ZNF91: variants seen among roughly 807,000 people sequenced by gnomAD.
ZNF91 encodes the protein zinc finger protein 91.
In ZNF91, 7 loss-of-function variants were observed where a neutral mutation model predicts 12.6. The ratio of observed to expected loss-of-function variants is 0.55; its 90% CI spans 0.31 to 1.04. The LOEUF (loss-of-function observed/expected upper bound fraction) is 1.04, where lower values mean the gene tolerates loss of function less well. ZNF91 is among the 50% of genes least tolerant of loss of function. The pLI is 0.05. For synonymous variants in ZNF91, 453 were observed against 462.6 expected (o/e 0.98, Z 0.27); for missense variants, 1,217 against 1,385.4 (o/e 0.88, Z 1.93).
At chr19:23,368,562 C>CTCTCTCTATATA (rs768532900) in intron 3 of ZNF91, among the ~76,000 whole-genome samples, 4 of 118,628 alleles carry the variant, frequency 3.4e-5, no homozygotes, top group African/African-American at 9.9e-5. Flanking sequence ...CTCTCTCTCT[C>CTCTCTCTATATA]TATATATATA....
In ZNF91 at chr19:23,351,601, G is replaced by C. The variant is rs528600608; in HGVS notation, c.254-12547C>G. On this transcript the variant is annotated intron_variant, in intron 3 of 3. Transcript: ENST00000599743. Reference sequence around the variant, plus strand: ...AATACATGACATTGTAGAAGAAAATGTGAACAGTTTTGACCTGGGACACAC... The same window carrying C: ...AATACATGACATTGTAGAAGAAAATCTGAACAGTTTTGACCTGGGACACAC... Among the ~76,000 whole-genome samples the C allele has an allele frequency of 9.2e-5, 14 of 152,312 alleles. No homozygotes were observed. In the East Asian group the frequency reaches 2.7e-3, roughly 29 times the overall value.
At chr19:23,373,018 C>A (rs1969346758) in intron 3 of ZNF91, among the ~76,000 whole-genome samples, 1 of 152,158 alleles carries the variant, frequency 6.6e-6, no homozygotes, top group African/African-American at 2.4e-5. Flanking sequence ...TTTAACAACA[C>A]AACTAAAGGT....
At chr19:23,348,413 C>T (rs1283833954) in intron 3 of ZNF91, among the ~76,000 whole-genome samples, 1 of 152,212 alleles carries the variant, frequency 6.6e-6, no homozygotes. Flanking sequence ...CCTGTCTTTA[C>T]TGCAATCTCT....
intron 1 of ZNF91, chr19:23,325,622 A>C (rs1234006594): frequency 1.3e-5 from 2 of 152,160 alleles, no homozygotes; most frequent in Non-Finnish European, 2.9e-5. Context: ...TACACAACCT[A>C]CTAGGCCAGG....
chr19:23,366,288 G>C (rs144297540), intron 3 of ZNF91, among the ~76,000 whole-genome samples: 2 of 152,124 alleles, frequency 1.3e-5, no homozygotes, highest in African/African-American at 2.4e-5. Flanking sequence ...CTGGCCTGGC[G>C]GGGGGCTGAC....
At chr19:23,367,514 T>C (rs1969062928) in intron 3 of ZNF91, among the ~76,000 whole-genome samples, 1 of 152,126 alleles carries the variant, frequency 6.6e-6, no homozygotes. Context: ...TTCAATAGAA[T>C]CTTTATAAAA....
chr19:23,374,224 G>A (rs1329358014), intron 2 of ZNF91, among the ~76,000 whole-genome samples: 1 of 151,868 alleles, frequency 6.6e-6, no homozygotes, highest in Non-Finnish European at 1.5e-5. Flanking sequence ...GGATTTTCTT[G>A]AAAACAGAAA....
chr19:23,327,967 C>T (rs1320887290), intron 1 of ZNF91: 1 of 152,158 alleles, frequency 6.6e-6, no homozygotes, highest in African/African-American at 2.4e-5. Context: ...GGTTTCACAA[C>T]TTAATTTTCC....
chr19:23,350,465 T>C (rs868812285), intron 3 of ZNF91, among the ~76,000 whole-genome samples: 14 of 152,306 alleles, frequency 9.2e-5, no homozygotes, highest in Admixed American at 1.3e-4. Context: ...CCTGCTACAA[T>C]GACACGATGG....
At chr19:23,369,368 G>A (rs1312528945) in intron 3 of ZNF91, among the ~76,000 whole-genome samples, 5 of 150,388 alleles carry the variant, frequency 3.3e-5, no homozygotes, top group African/African-American at 9.8e-5. Context: ...CCGGCCAGCC[G>A]CCCCGTCCGG....
intron 1 of ZNF91, among the ~76,000 whole-genome samples, chr19:23,377,240 T>A (rs1409215178): frequency 6.6e-6 from 1 of 152,174 alleles, no homozygotes. Context: ...CTCTCATGAA[T>A]GTATCTTAAA....
chr19:23,311,731 ACT>A (rs1340478298), upstream of ZNF91, among the ~76,000 whole-genome samples: 4 of 151,726 alleles, frequency 2.6e-5, no homozygotes, highest in South Asian at 2.1e-4. Flanking sequence ...AGGTGATATA[ACT>A]CTCTTTTCCT....
chr19:23,369,685 C>T (rs903909439), intron 3 of ZNF91, among the ~76,000 whole-genome samples: 3 of 152,044 alleles, frequency 2.0e-5, no homozygotes, highest in Non-Finnish European at 4.4e-5. Flanking sequence ...CCTTGGGATG[C>T]TGTTGATCTA....
chr19:23,336,445 A>G (rs141793054), downstream of ZNF91, among the ~76,000 whole-genome samples: 486 of 152,250 alleles, frequency 3.2e-3, 3 homozygotes, highest in Middle Eastern at 0.037. Flanking sequence ...CTTAGGAGGA[A>G]GCTAGCTAAT....
rs745504404 is a variant in ZNF91 at position 23,359,723 on chromosome 19, C to T, written c.3256G>A (p.Ala1086Thr). Residue 1086 changes from alanine (A) to threonine (T), a missense_variant, in exon 4 of 4, where the codon GCA (alanine) becomes ACA (threonine). Coordinates refer to ENST00000300619, the MANE Select transcript of ZNF91 (RefSeq NM_003430.4). ...KPYKCEECGK[A>T]FSQSSTLTRH... ...GTTAGGGTTGAAGATTGGCTAAATGCTTTGCCACATTCTTCACATTTGTAG... is the reference window on the plus strand; with the variant it reads ...GTTAGGGTTGAAGATTGGCTAAATGTTTTGCCACATTCTTCACATTTGTAG... 8 of 1,613,830 alleles carry T rather than the reference C, an allele frequency of 5.0e-6. No individual in the cohort carries two copies. The highest frequency in any genetic ancestry group is 4.5e-5 in the East Asian group (2 of 44,814).
intron 1 of ZNF91, among the ~76,000 whole-genome samples, chr19:23,317,139 G>T (rs541698213): frequency 6.6e-6 from 1 of 151,754 alleles, no homozygotes; most frequent in Non-Finnish European, 1.5e-5. Context: ...TCCGCCTCCC[G>T]GGTTCATGCC....
rs1970206213 is a variant in ZNF91, at chr19:23,395,452, C to T, written c.-98G>A. 7 of 1,461,208 alleles carry T rather than the reference C, an allele frequency of 4.8e-6. No individual in the cohort carries two copies. The highest frequency in any genetic ancestry group is 6.6e-6 in the Non-Finnish European group (7 of 1,067,084). The allele number at this position is 1,461,208 out of a possible 1,614,324, so 90.5% of individuals were successfully genotyped here. On this transcript the variant is annotated 5_prime_UTR_variant, in exon 1 of 4. Coordinates refer to ENST00000300619, the MANE Select transcript of ZNF91 (RefSeq NM_003430.4). ...GAGCAGTGAAGTCGAGACCTGGAAA[C>T]TCCGGCGGCAGCGAGAGACAAAGGC...
At position 23,361,839 on chromosome 19, in the gene ZNF91, A is replaced by G; in HGVS notation, c.1140T>C (p.Cys380=). The change falls in exon 4 of 4, where the codon TGT becomes TGC. Residue 380 remains cysteine, a synonymous_variant. Transcript: ENST00000300619. ...ITHTEEKPYK[C]KECDKAFKRL... is the part of the protein sequence containing the mutation. ...GCTTAAAAGCTTTGTCACATTCTTT[A>G]CATTTGTAGGGTTTCTCTTCAGTAT... 4 of 1,608,948 alleles carry G rather than the reference A, an allele frequency of 2.5e-6. No individual in the cohort carries two copies. The highest frequency in any genetic ancestry group is 3.4e-6 in the Non-Finnish European group (4 of 1,176,442).
At chr19:23,356,706 C>T (rs760267616), downstream of ZNF91, among the ~76,000 whole-genome samples, 3 of 151,774 alleles carry the variant, frequency 2.0e-5, no homozygotes, top group Admixed American at 6.6e-5. Context: ...TAACCAAATA[C>T]CACCTGTACA....
Sources: allele counts gnomAD v4.1 joint callset (sites outside exome capture counted in the v4.1 genomes callset), GRCh38; gene constraint gnomAD v4.1.1; transcripts MANE v1.5; gene names NCBI Gene and HGNC (gene_info 2026-07-23, HGNC 2026-07-21).